Variants in DOCK4 observed in about 807,000 individuals in gnomAD.
DOCK4 encodes dedicator of cytokinesis 4.
DOCK4 carries 97 observed loss-of-function variants against 268.1 expected under a neutral mutation model. The ratio of observed to expected loss-of-function variants is 0.36; its 90% CI spans 0.31 to 0.43. DOCK4 has a LOEUF of 0.43. Ranked by LOEUF, DOCK4 falls within the 20% of genes least tolerant of loss-of-function variation. The pLI is 1.00. For synonymous variants in DOCK4, 954 were observed against 887.2 expected, an observed-to-expected ratio of 1.08 and a Z score of -1.34; for missense variants, 2,145 against 2,455.7, an observed-to-expected ratio of 0.87 and a Z score of 2.67.
intron 45 of DOCK4, 47 bp from the exon 46 acceptor site, chr7:111,741,708 C>T (rs1176483915): frequency 6.3e-7 from 1 of 1,594,476 alleles, no homozygotes; most frequent in Non-Finnish European, 8.5e-7. Context: ...ATGATTTGGG[C>T]AAAATAACTT....
chr7:112,123,972 A>G (rs1266750721), intron 1 of DOCK4, among the ~76,000 whole-genome samples: 2 of 152,204 alleles, frequency 1.3e-5, no homozygotes, highest in Non-Finnish European at 2.9e-5. Context: ...TCAGAAGTTC[A>G]GAAGTGTATC....
In DOCK4 at chr7:112,204,751, A is replaced by C. The variant is rs143488357; in HGVS notation, c.37+1351T>G. ...CCCAGGCAAAGTTGGGAAAAAAAAA[A>C]ACAAAAATCCCCTCGGACTACGACT... On this transcript the variant is annotated intron_variant, in intron 1 of 52. Transcript: ENST00000428084. Among the ~76,000 whole-genome samples, 29 of 152,214 alleles carry C rather than the reference A, an allele frequency of 1.9e-4. No individual in the cohort carries two copies. The East Asian group carries it at 4.2e-3, about 22-fold the overall frequency.
At chr7:112,114,433 G>A (rs973197640) in intron 1 of DOCK4, among the ~76,000 whole-genome samples, 8 of 152,148 alleles carry the variant, frequency 5.3e-5, no homozygotes, top group Non-Finnish European at 1.2e-4. Flanking sequence ...TGTTTACCTT[G>A]AAGTGACAGG....
chr7:112,137,589 G>A (rs1814482579), intron 1 of DOCK4, among the ~76,000 whole-genome samples: 1 of 152,130 alleles, frequency 6.6e-6, no homozygotes, highest in Admixed American at 6.5e-5. Context: ...TTTCTGAAAG[G>A]CAAATAAAAT....
intron 21 of DOCK4, among the ~76,000 whole-genome samples, chr7:111,868,406 A>G (rs1806148803): frequency 6.6e-6 from 1 of 152,210 alleles, no homozygotes. Flanking sequence ...ATAGAATTTT[A>G]ATAGAAAATT....
chr7:112,149,104 G>T (rs1008880658), intron 1 of DOCK4, among the ~76,000 whole-genome samples: 1 of 152,030 alleles, frequency 6.6e-6, no homozygotes, highest in Non-Finnish European at 1.5e-5. Context: ...CTTTTTGGCA[G>T]GTACATCATA....
chr7:111,804,353 T>C (rs1800513453), intron 30 of DOCK4, among the ~76,000 whole-genome samples: 1 of 152,214 alleles, frequency 6.6e-6, no homozygotes, highest in Admixed American at 6.5e-5. Flanking sequence ...AAATTCTGTA[T>C]GATTCCACTT....
chr7:111,979,438 C>T (rs1037208873), intron 7 of DOCK4, among the ~76,000 whole-genome samples: 2 of 151,346 alleles, frequency 1.3e-5, no homozygotes, highest in Non-Finnish European at 2.9e-5. Flanking sequence ...AATGATTTTG[C>T]CTTGTTTTCT....
chr7:111,762,762 C>CTTTTTTTTTTGTTTTTTTTTTTTTTTTTT (rs1797508842), intron 39 of DOCK4, among the ~76,000 whole-genome samples: 1 of 63,068 alleles, frequency 1.6e-5, no homozygotes, highest in African/African-American at 5.5e-5. Flanking sequence ...GTTTTGTTTT[C>CTTTTTTTTTTGTTTTTTTTTTTTTTTTTT]TTTTTTTTTT....
At chr7:112,051,896 T>C (rs1378963113) in intron 1 of DOCK4, among the ~76,000 whole-genome samples, 1 of 152,182 alleles carries the variant, frequency 6.6e-6, no homozygotes, top group Non-Finnish European at 1.5e-5. Flanking sequence ...GCTAGACAGA[T>C]ATCTATCGAT....
intron 36 of DOCK4, among the ~76,000 whole-genome samples, chr7:111,776,922 G>A (rs988419090): frequency 6.6e-6 from 1 of 152,128 alleles, no homozygotes; most frequent in Non-Finnish European, 1.5e-5. Context: ...CCAGGCTCAA[G>A]TGATCCACCT....
At chr7:111,746,083 C>G (rs771565931) in intron 44 of DOCK4, among the ~76,000 whole-genome samples, 3 of 152,130 alleles carry the variant, frequency 2.0e-5, no homozygotes, top group Non-Finnish European at 4.4e-5. Flanking sequence ...CTTATGGTCC[C>G]AAGTATTTTG....
intron 49 of DOCK4, 126 bp from the exon 50 acceptor site, chr7:111,737,115 G>C: frequency 1.4e-6 from 1 of 709,178 alleles, no homozygotes; most frequent in East Asian, 2.8e-5. Context: ...GATATGATGA[G>C]CCTAGGAACA....
At chr7:111,830,270 C>CA (rs1563561680) in intron 26 of DOCK4, among the ~76,000 whole-genome samples, 1 of 151,892 alleles carries the variant, frequency 6.6e-6, no homozygotes, top group African/African-American at 2.4e-5. Context: ...TACTAAAATA[C>CA]AAAAAATCCG....
chr7:111,964,063 C>T (rs1244924685), intron 8 of DOCK4, among the ~76,000 whole-genome samples: 9 of 142,754 alleles, frequency 6.3e-5, no homozygotes, highest in Admixed American at 4.8e-4. Context: ...CTGTACATCA[C>T]CATCATCAAA....
At chr7:112,113,734 A>ATTTTTTTTTTTTTTTTT (rs57672966) in intron 1 of DOCK4, among the ~76,000 whole-genome samples, 1 of 49,548 alleles carries the variant, frequency 2.0e-5, no homozygotes, top group Non-Finnish European at 3.7e-5. Flanking sequence ...TACTTGGCTG[A>ATTTTTTTTTTTTTTTTT]TTTTTTTTTT....
At chr7:112,101,149 C>G (rs1029987153) in intron 1 of DOCK4, among the ~76,000 whole-genome samples, 9 of 152,098 alleles carry the variant, frequency 5.9e-5, no homozygotes, top group African/African-American at 2.2e-4. Flanking sequence ...GTCAACAACC[C>G]GTCAGAAAAA....
At chr7:111,954,952 T>C (rs759877724) in intron 8 of DOCK4, among the ~76,000 whole-genome samples, 2 of 152,246 alleles carry the variant, frequency 1.3e-5, no homozygotes, top group Non-Finnish European at 1.5e-5. Flanking sequence ...TGGGTCAGGA[T>C]GGACCTAAAA....
At chr7:112,088,116 G>A (rs1044148171) in intron 1 of DOCK4, among the ~76,000 whole-genome samples, 1 of 152,032 alleles carries the variant, frequency 6.6e-6, no homozygotes, top group Non-Finnish European at 1.5e-5. Flanking sequence ...TGCAGACAGG[G>A]AGCACAACTA....
Sources: allele counts gnomAD v4.1 joint callset (sites outside exome capture counted in the v4.1 genomes callset), GRCh38; gene constraint gnomAD v4.1.1; transcripts MANE v1.5; gene names NCBI Gene and HGNC (gene_info 2026-07-23, HGNC 2026-07-21).